Variants in HTT-AS observed in about 807,000 individuals in gnomAD.
The protein encoded by HTT-AS is HTT antisense RNA, also known as HTT antisense RNA (head to head).
chr4:3,053,785 T>C (rs952969780), intron 2 of HTT-AS, among the ~76,000 whole-genome samples: 1 of 146,838 alleles, frequency 6.8e-6, no homozygotes, highest in Non-Finnish European at 1.5e-5. Context: ...TGAGATGGAG[T>C]TTCACTCTTG....
chr4:3,065,932 C>G (rs748139792), intron 1 of HTT-AS, among the ~76,000 whole-genome samples: 1 of 152,206 alleles, frequency 6.6e-6, no homozygotes, highest in Non-Finnish European at 1.5e-5. Context: ...AAGTTTGGGA[C>G]CATCTTTATT....
chr4:3,073,517 C>T (rs942511183), intron 1 of HTT-AS, among the ~76,000 whole-genome samples: 5 of 152,238 alleles, frequency 3.3e-5, no homozygotes, highest in Admixed American at 3.3e-4. Context: ...GAAACGCCCC[C>T]AGGTCGGGAC....
intron 1 of HTT-AS, among the ~76,000 whole-genome samples, chr4:3,065,608 TA>T (rs1434026201): frequency 6.6e-6 from 1 of 152,082 alleles, no homozygotes; most frequent in East Asian, 1.9e-4. Flanking sequence ...AAAATATAAG[TA>T]AAAAATGCCC....
chr4:3,053,800 C>T (rs1216199654), intron 2 of HTT-AS, among the ~76,000 whole-genome samples: 7 of 149,180 alleles, frequency 4.7e-5, no homozygotes, highest in Admixed American at 4.7e-4. Flanking sequence ...CTCTTGTTGC[C>T]CAGGCTGGAG....
At chr4:3,055,688 T>A (rs1202310089) in intron 2 of HTT-AS, among the ~76,000 whole-genome samples, 2 of 152,238 alleles carry the variant, frequency 1.3e-5, no homozygotes, top group Non-Finnish European at 2.9e-5. Flanking sequence ...AAGGAACCCA[T>A]TTTTACCTGA....
chr4:3,051,030 T>TGTG lies in HTT-AS; in HGVS notation n.1381-1333_1381-1332insCAC, dbSNP rs1711692286. ...TAAACCTTTTATAATCCCTTACAAT[T>TGTG]TGTGTGTGTGTGTGTGTGTGTGTGT... is the stretch of plus-strand genomic sequence containing the variant. On this transcript the variant is annotated intron_variant and non_coding_transcript_variant, in intron 2 of 2. Transcript: ENST00000664062. 9.0e-5 allele frequency among the ~76,000 whole-genome samples: 11 copies of TGTG among 122,554 alleles called. No homozygotes were observed. In the South Asian group the frequency reaches 1.8e-3, roughly 20 times the overall value. 80.4% of individuals were successfully genotyped at this position (122,554 alleles called of 152,430 possible).
At chr4:3,072,808 A>G (rs1209456956) in intron 1 of HTT-AS, among the ~76,000 whole-genome samples, 1 of 152,172 alleles carries the variant, frequency 6.6e-6, no homozygotes, top group Admixed American at 6.5e-5. Context: ...TTGTATTTTT[A>G]GTAGAGACAG....
At chr4:3,066,130 G>A (rs981327038) in intron 1 of HTT-AS, among the ~76,000 whole-genome samples, 7 of 152,342 alleles carry the variant, frequency 4.6e-5, no homozygotes, top group East Asian at 1.9e-4. Context: ...TCTGCTTTGC[G>A]GGTATTTGCT....
downstream of HTT-AS, among the ~76,000 whole-genome samples, chr4:3,046,444 G>A (rs1711587616): frequency 6.6e-6 from 1 of 152,184 alleles, no homozygotes; most frequent in Admixed American, 6.5e-5. Flanking sequence ...GGATGTCAGG[G>A]TTTCAGTCTT....
intron 1 of HTT-AS, among the ~76,000 whole-genome samples, chr4:3,067,732 G>A (rs146706455): frequency 1.1e-4 from 16 of 152,262 alleles, no homozygotes; most frequent in East Asian, 9.6e-4. Flanking sequence ...ATCTTTCACC[G>A]AGGGGGATCT....
chr4:3,064,030 T>A (rs1321657027), intron 1 of HTT-AS, among the ~76,000 whole-genome samples: 1 of 151,618 alleles, frequency 6.6e-6, no homozygotes, highest in African/African-American at 2.4e-5. Flanking sequence ...ACCAGAAAGA[T>A]CAAGCCAGAG....
intron 1 of HTT-AS, among the ~76,000 whole-genome samples, chr4:3,065,578 G>T (rs1712032327): frequency 6.6e-6 from 1 of 152,166 alleles, no homozygotes; most frequent in African/African-American, 2.4e-5. Flanking sequence ...GTTACCTCTA[G>T]ATAAATCCAT....
downstream of HTT-AS, among the ~76,000 whole-genome samples, chr4:3,046,666 A>T (rs940032592): frequency 2.0e-5 from 3 of 152,162 alleles, no homozygotes; most frequent in African/African-American, 7.2e-5. Flanking sequence ...GAGAAACAGT[A>T]GAACAGTGAG....
chr4:3,073,593 T>C (rs1281931657), intron 1 of HTT-AS, among the ~76,000 whole-genome samples: 12 of 152,352 alleles, frequency 7.9e-5, no homozygotes, highest in Non-Finnish European at 2.9e-5. Flanking sequence ...AGTGCCTCTG[T>C]GGGCAGCAGG....
At chr4:3,053,593 T>G (rs1238263983) in intron 2 of HTT-AS, among the ~76,000 whole-genome samples, 1 of 151,960 alleles carries the variant, frequency 6.6e-6, no homozygotes, top group Non-Finnish European at 1.5e-5. Context: ...TTAAGAAAAA[T>G]GAGTGCTTAA....
At chr4:3,071,909 A>G (rs1022797231) in intron 1 of HTT-AS, among the ~76,000 whole-genome samples, 25 of 152,188 alleles carry the variant, frequency 1.6e-4, no homozygotes, top group Admixed American at 1.6e-3. Flanking sequence ...CTCTAGGACC[A>G]TGAGAAGATA....
intron 2 of HTT-AS, among the ~76,000 whole-genome samples, chr4:3,059,310 C>G (rs569206067): frequency 4.6e-5 from 7 of 152,228 alleles, no homozygotes; most frequent in African/African-American, 1.7e-4. Context: ...CTTTTCTGTC[C>G]ATAAATTTGC....
intron 2 of HTT-AS, among the ~76,000 whole-genome samples, chr4:3,059,215 C>T (rs904155317): frequency 5.3e-5 from 8 of 152,122 alleles, no homozygotes; most frequent in Non-Finnish European, 1.0e-4. Context: ...ACTCACAGGC[C>T]GCAAACTGTT....
In HTT-AS at chr4:3,059,917, G is replaced by GTTTT. The variant is rs34372712; in HGVS notation, n.1380+2513_1380+2516dup. ...GTTGCTTTAACATCTTTGTCCCTGT[G>GTTTT]TTTTTTGTTTTTTTTTTTGAGACGG... On this transcript the variant is annotated intron_variant and non_coding_transcript_variant, in intron 2 of 2. Coordinates refer to ENST00000664062, the Ensembl canonical transcript of HTT-AS. 2.3e-3 allele frequency among the ~76,000 whole-genome samples: 318 copies of GTTTT among 136,160 alleles called. 29 individuals are homozygous for GTTTT. The highest frequency in any genetic ancestry group is 2.6e-3 in the African/African-American group (93 of 35,580). The allele number at this position is 136,160 out of a possible 152,430, so 89.3% of individuals were successfully genotyped here. A position where few individuals can be genotyped will look rare whatever the true frequency, so the allele number is the denominator to read the frequency against.
Sources: allele counts gnomAD v4.1 joint callset (sites outside exome capture counted in the v4.1 genomes callset), GRCh38; gene constraint gnomAD v4.1.1; transcripts MANE v1.5; gene names NCBI Gene and HGNC (gene_info 2026-07-23, HGNC 2026-07-21).